The following ARAP2 variants were observed in gnomAD, a reference collection of about 807,000 sequenced individuals.
ARAP2 encodes the protein arf-GAP with Rho-GAP domain, ANK repeat and PH domain-containing protein 2.
Under a neutral mutation model 194.5 loss-of-function variants are expected in ARAP2, and 148 were observed. The ratio of observed to expected loss-of-function variants is 0.76; its 90% confidence interval spans 0.67 to 0.87. The LOEUF is 0.87. Among genes scored for constraint, ARAP2 ranks in the 40% least tolerant of loss-of-function variants. The pLI is 0.00. For missense variants in ARAP2, 2,128 were observed against 1,989.7 expected, an observed-to-expected ratio of 1.07 and a Z score of -1.32; for synonymous variants, 695 against 683.5, an observed-to-expected ratio of 1.02 and a Z score of -0.26.
intron 26 of ARAP2, among the ~76,000 whole-genome samples, chr4:36,109,381 T>C (rs561320271): frequency 1.3e-5 from 2 of 152,060 alleles, no homozygotes; most frequent in African/African-American, 4.8e-5. Context: ...CAGCATAGTA[T>C]TGAATATATA....
In ARAP2 at chr4:36,102,841, A is replaced by G. The variant is rs188508737; in HGVS notation, c.4285+4724T>C. ...ACAGAGAGTTAATACAAATTTACCA[A>G]TAGGGTTTCTCACCACAGAATTATA... On this transcript the variant is annotated intron_variant, in intron 27 of 32. Coordinates refer to ENST00000303965, the MANE Select transcript of ARAP2 (RefSeq NM_015230.4). Among the ~76,000 whole-genome samples, 425 of 152,052 alleles carry G rather than the reference A, an allele frequency of 2.8e-3. 3 individuals carry two copies. Among genetic ancestry groups the G allele is most frequent in the Non-Finnish European group, 4.8e-3 (327 of 67,906 alleles).
intron 5 of ARAP2, among the ~76,000 whole-genome samples, chr4:36,023,099 C>G (rs1440917591): frequency 6.6e-6 from 1 of 152,100 alleles, no homozygotes; most frequent in Non-Finnish European, 1.5e-5. Context: ...TATATCTTGT[C>G]CTTAACCCAC....
chr4:36,074,692 A>G (rs1727829641), intron 31 of ARAP2, among the ~76,000 whole-genome samples: 2 of 152,124 alleles, frequency 1.3e-5, no homozygotes, highest in Admixed American at 1.3e-4. Context: ...AATGAAAACC[A>G]TTTAGTAAAC....
chr4:36,159,333 G>C lies in ARAP2; in HGVS notation c.2615C>G (p.Ser872Ter). Residue 872 changes from serine (S) to a stop codon, truncating the protein, a stop_gained and splice_region_variant, in exon 14 of 33, where the codon TCA (serine) becomes TGA (stop). Coordinates refer to ENST00000303965, the MANE Select transcript of ARAP2 (RefSeq NM_015230.4). LOFTEE classifies it high-confidence loss of function. ...QMEFLYHNKF[S>*]DFPQHDIHSE... is the part of the protein sequence containing the mutation. ...TTAATGAAGAGACAGTGACGAACCT[G>C]AGAATTTGTTATGGTAGAGAAATTC... 1 of 1,597,056 alleles carries C rather than the reference G, an allele frequency of 6.3e-7. No homozygotes were observed. The highest frequency in any genetic ancestry group is 8.5e-7 in the Non-Finnish European group (1 of 1,169,684).
intron 6 of ARAP2, among the ~76,000 whole-genome samples, chr4:36,204,293 A>T (rs549105897): frequency 6.6e-6 from 1 of 152,362 alleles, no homozygotes; most frequent in East Asian, 1.9e-4. Flanking sequence ...CTAGAATACA[A>T]ATTACTGATC....
In ARAP2 at chr4:36,119,811, A is replaced by C. The variant is rs562783481; in HGVS notation, c.3895-93T>G. ...TGTAATCTTCAGGAATTTAAATACT[A>C]ACAACTTAAAAATAAATGAGAATGG... On this transcript the variant is annotated intron_variant, in intron 23 of 32. Coordinates refer to ENST00000303965, the MANE Select transcript of ARAP2 (RefSeq NM_015230.4). The C allele has an allele frequency of 6.0e-6, 5 of 840,216 alleles. No individual in the cohort carries two copies. The African/African-American group carries it at 8.5e-5, about 14-fold the overall frequency. The allele number at this position is 840,216 out of a possible 1,614,324, so 52.0% of individuals were successfully genotyped here. A position where few individuals can be genotyped will look rare whatever the true frequency, so the allele number is the denominator to read the frequency against.
chr4:36,045,026 T>C (rs1202123592), intron 5 of ARAP2, among the ~76,000 whole-genome samples: 3 of 152,168 alleles, frequency 2.0e-5, no homozygotes, highest in South Asian at 2.1e-4. Flanking sequence ...CCTGTTAGAA[T>C]GGCTATCATA....
intron 1 of ARAP2, among the ~76,000 whole-genome samples, chr4:36,238,031 A>G (rs1237980878): frequency 6.6e-6 from 1 of 152,220 alleles, no homozygotes; most frequent in Non-Finnish European, 1.5e-5. Context: ...CTGAGTGCTT[A>G]GCCCCCAGAA....
Position 36,121,300 on chromosome 4 carries a change from T to C in ARAP2, c.3773A>G (p.His1258Arg). ...CAAGGCCAAATTATGGGCATTCATG[T>C]GATTGATTTCTGAGCATTTCTGAAC... ...YRVQKCSEIN[H>R]MNAHNLALVF... The change falls in exon 23 of 33, where the codon CAC (histidine) becomes CGC (arginine). Residue 1258 changes from histidine to arginine, a missense_variant. By Grantham distance (29) the His-to-Arg change is conservative. Transcript: ENST00000303965. The C allele has an allele frequency of 6.2e-7, 1 of 1,600,100 alleles. No individual in the cohort carries two copies. The highest frequency in any genetic ancestry group is 2.3e-5 in the East Asian group (1 of 44,226).
At chr4:36,076,076 T>C (rs1728186327) in intron 31 of ARAP2, among the ~76,000 whole-genome samples, 2 of 152,172 alleles carry the variant, frequency 1.3e-5, no homozygotes, top group Admixed American at 1.3e-4. Context: ...TCTCCTTGCA[T>C]CTATAGTCAT....
intron 19 of ARAP2, among the ~76,000 whole-genome samples, chr4:36,135,032 T>G (rs1329681412): frequency 6.6e-6 from 1 of 151,766 alleles, no homozygotes; most frequent in Non-Finnish European, 1.5e-5. Flanking sequence ...GTCATTAGCA[T>G]AGTGTCTGGC....
chr4:36,068,019 G>C lies in ARAP2; in HGVS notation c.5003C>G (p.Thr1668Ser). 1.2e-6 allele frequency: 2 copies of C among 1,614,180 alleles called. No individual in the cohort carries two copies. Among genetic ancestry groups the C allele is most frequent in the Non-Finnish European group, 8.5e-7 (1 of 1,180,002 alleles). ...RKTEDRNSKA[T>S]LDSDHKLPSR... Reference sequence around the variant, plus strand: ...TGGTAACTTATGATCAGAGTCCAAAGTAGCTTTGCTATTCCTGTCCTCAGT... The same window carrying C: ...TGGTAACTTATGATCAGAGTCCAAACTAGCTTTGCTATTCCTGTCCTCAGT... Residue 1668 changes from threonine (T) to serine (S), a missense_variant, in exon 33 of 33, where the codon ACT (threonine) becomes AGT (serine). By Grantham distance (58) the Thr-to-Ser change is moderately conservative. Transcript: ENST00000303965.
At chr4:36,095,646 A>G (rs1488860068) in intron 27 of ARAP2, among the ~76,000 whole-genome samples, 11 of 152,196 alleles carry the variant, frequency 7.2e-5, no homozygotes, top group Non-Finnish European at 1.3e-4. Context: ...CCACACGTAG[A>G]AATCATTTCA....
At chr4:36,239,121 C>T (rs760224964) in intron 1 of ARAP2, among the ~76,000 whole-genome samples, 28 of 151,882 alleles carry the variant, frequency 1.8e-4, no homozygotes, top group Non-Finnish European at 2.9e-4. Flanking sequence ...ACTAAAAACA[C>T]AAAAATTAGC....
Position 36,147,310 on chromosome 4 carries a change from C to T in ARAP2, c.3249G>A (p.Leu1083=), listed in dbSNP as rs746032593. ...QNGEKLDVLL[L]VEKGRTLYIH... ...AAGGCACTTACCTCCCTTTTTCTAC[C>T]AAGAGTAAAACATCCAGTTTTTCCC... Residue 1083 remains leucine (L), a synonymous_variant, in exon 19 of 33, where the codon TTG becomes TTA. Transcript: ENST00000303965. 1 of 1,612,642 alleles carries T rather than the reference C, an allele frequency of 6.2e-7. No homozygotes were observed. Among genetic ancestry groups the T allele is most frequent in the East Asian group, 2.2e-5 (1 of 44,828 alleles).
intron 26 of ARAP2, among the ~76,000 whole-genome samples, chr4:36,113,138 G>A (rs1477595538): frequency 6.6e-6 from 1 of 151,892 alleles, no homozygotes; most frequent in Non-Finnish European, 1.5e-5. Context: ...TGCCACAGAA[G>A]GTTAGGTAAA....
chr4:36,185,949 G>A (rs1740452940), intron 8 of ARAP2, among the ~76,000 whole-genome samples: 1 of 151,278 alleles, frequency 6.6e-6, no homozygotes, highest in African/African-American at 2.4e-5. Context: ...TTGCACTCAA[G>A]CTTGGGCAAC....
In ARAP2 at chr4:36,136,781, A is replaced by ATGTG. The variant is rs1386121529; in HGVS notation, c.3264-3393_3264-3392insCACA. Among the ~76,000 whole-genome samples, 129 of 106,626 alleles carry ATGTG rather than the reference A, an allele frequency of 1.2e-3. No individual in the cohort carries two copies. In the East Asian group the frequency reaches 0.013, roughly 11 times the overall value. The allele number at this position is 106,626 out of a possible 152,430, so 70.0% of individuals were successfully genotyped here. On this transcript the variant is annotated intron_variant, in intron 19 of 32. Transcript: ENST00000303965. Reference sequence around the variant, plus strand: ...CCACAAACCAGTCTAAGAATCAAATATATGTGTGTGTGTGTGTGTGTGTGT... The same window carrying ATGTG: ...CCACAAACCAGTCTAAGAATCAAATATGTGTATGTGTGTGTGTGTGTGTGTGTGT...
intron 15 of ARAP2, among the ~76,000 whole-genome samples, chr4:36,152,006 C>T (rs1731112871): frequency 6.6e-6 from 1 of 152,036 alleles, no homozygotes; most frequent in African/African-American, 2.4e-5. Context: ...TCAAATTTTT[C>T]CTTTAGCATA....
Sources: allele counts gnomAD v4.1 joint callset (sites outside exome capture counted in the v4.1 genomes callset), GRCh38; gene constraint gnomAD v4.1.1; transcripts MANE v1.5; gene names NCBI Gene and HGNC (gene_info 2026-07-23, HGNC 2026-07-21).